Variants in PRDM2 observed in about 807,000 individuals in gnomAD.
PRDM2 encodes PR domain zinc finger protein 2.
A neutral mutation model predicts 130.0 loss-of-function variants in PRDM2; 30 were observed. The ratio of observed to expected loss-of-function variants is 0.23; its 90% confidence interval spans 0.17 to 0.31. The LOEUF (loss-of-function observed/expected upper bound fraction) is 0.31, where lower values mean the gene tolerates loss of function less well. PRDM2 is among the 10% of genes least tolerant of loss of function. The pLI is 1.00. For synonymous variants in PRDM2, 871 were observed against 782.4 expected (o/e 1.11, Z -1.89); for missense variants, 2,011 against 2,108.4 (o/e 0.95, Z 0.90).
chr1:13,708,124 C>G (rs997956051), intron 1 of PRDM2, among the ~76,000 whole-genome samples: 1 of 151,890 alleles, frequency 6.6e-6, no homozygotes, highest in Non-Finnish European at 1.5e-5. Flanking sequence ...TACTTCTGAG[C>G]TGGCACATTA....
chr1:13,712,710 A>C (rs1463656718), intron 1 of PRDM2, among the ~76,000 whole-genome samples: 1 of 152,220 alleles, frequency 6.6e-6, no homozygotes, highest in Non-Finnish European at 1.5e-5. Flanking sequence ...GCAGTGAGCC[A>C]AGATCACACC....
intron 8 of PRDM2, among the ~76,000 whole-genome samples, chr1:13,802,126 C>T (rs1240919248): frequency 3.3e-5 from 5 of 152,220 alleles, no homozygotes; most frequent in South Asian, 2.1e-4. Context: ...TATTCAACCC[C>T]GGACCCTGGG....
chr1:13,714,786 A>G (rs1472872960), intron 1 of PRDM2, among the ~76,000 whole-genome samples: 2 of 152,262 alleles, frequency 1.3e-5, no homozygotes, highest in Admixed American at 1.3e-4. Context: ...GGAAATGTTT[A>G]GAACCTTACA....
chr1:13,794,803 G>C (rs547372284), intron 8 of PRDM2, among the ~76,000 whole-genome samples: 1 of 152,344 alleles, frequency 6.6e-6, no homozygotes, highest in East Asian at 1.9e-4. Flanking sequence ...TCATGACAGC[G>C]TGAGTTGTAG....
chr1:13,810,886 CAG>C (rs1381681831), intron 8 of PRDM2, among the ~76,000 whole-genome samples: 3 of 152,026 alleles, frequency 2.0e-5, no homozygotes, highest in Non-Finnish European at 2.9e-5. Flanking sequence ...GAGCTTCTGT[CAG>C]AGTTTACAGA....
chr1:13,745,430 T>G (rs1025438866), intron 5 of PRDM2, among the ~76,000 whole-genome samples: 15 of 151,574 alleles, frequency 9.9e-5, no homozygotes, highest in African/African-American at 3.6e-4. Flanking sequence ...TAATGGTTTT[T>G]TTTTTTTTTT....
Position 13,749,474 on chromosome 1 carries a change from C to T in PRDM2, c.498C>T (p.Pro166=), listed in dbSNP as rs536087579. The change falls in exon 6 of 10, where the codon CCC becomes CCT. Residue 166 remains proline, a synonymous_variant. Coordinates refer to ENST00000311066, the MANE Select transcript of PRDM2 (RefSeq NM_001393986.1). ...GCGCCCGGAGCAAGCGGAGCTCCCC[C>T]AAGAGCCGGAAAGGTAGGAGCCCCC... ...RASARSKRSS[P]KSRKGKKKSQ... 151 of 1,475,206 alleles carry T rather than the reference C, an allele frequency of 1.0e-4. No homozygotes were observed. The highest frequency in any genetic ancestry group is 1.3e-4 in the Non-Finnish European group (144 of 1,098,138). 91.4% of individuals were successfully genotyped at this position (1,475,206 alleles called of 1,614,324 possible).
chr1:13,724,740 A>G (rs1355649377), intron 2 of PRDM2, among the ~76,000 whole-genome samples: 2 of 152,142 alleles, frequency 1.3e-5, no homozygotes, highest in African/African-American at 4.8e-5. Context: ...TGATCCACCC[A>G]TCTCAACCTC....
chr1:13,752,446 G>C (rs925184919), intron 6 of PRDM2, among the ~76,000 whole-genome samples: 1 of 152,226 alleles, frequency 6.6e-6, no homozygotes, highest in African/African-American at 2.4e-5. Flanking sequence ...AGGGTTTTTA[G>C]TGTCAGGTGT....
chr1:13,769,468 T>A (rs1419940407), intron 6 of PRDM2, among the ~76,000 whole-genome samples: 2 of 152,190 alleles, frequency 1.3e-5, no homozygotes, highest in Non-Finnish European at 2.9e-5. Context: ...TGCCATAGGC[T>A]AATTACTTCC....
intron 2 of PRDM2, among the ~76,000 whole-genome samples, chr1:13,727,575 C>T (rs543608459): frequency 2.6e-5 from 4 of 152,132 alleles, no homozygotes; most frequent in South Asian, 4.1e-4. Flanking sequence ...TTTTTTCATT[C>T]GCCACTGATC....
At chr1:13,818,121 C>T (rs1338490066) in intron 9 of PRDM2, among the ~76,000 whole-genome samples, 1 of 152,212 alleles carries the variant, frequency 6.6e-6, no homozygotes, top group Non-Finnish European at 1.5e-5. Context: ...GGCACAGGCC[C>T]ATCCTGGTGG....
chr1:13,778,948 A>G lies in PRDM2; in HGVS notation c.1153A>G (p.Thr385Ala). 6.2e-7 allele frequency: 1 copy of G among 1,614,192 alleles called. No homozygotes were observed. Among genetic ancestry groups the G allele is most frequent in the South Asian group, 1.1e-5 (1 of 91,080 alleles). ...LERHMHIHIS[T>A]VNHAFKCKYC... ...GCGTCACATGCATATCCATATATCC[A>G]CCGTCAATCATGCTTTCAAATGCAA... is the stretch of plus-strand genomic sequence containing the variant. The change falls in exon 8 of 10, where the codon ACC becomes GCC. Residue 385 changes from threonine (T) to alanine (A), a missense_variant. Coordinates refer to ENST00000311066, the MANE Select transcript of PRDM2 (RefSeq NM_001393986.1).
intron 8 of PRDM2, among the ~76,000 whole-genome samples, chr1:13,813,318 C>T (rs1645203796): frequency 6.6e-6 from 1 of 152,244 alleles, no homozygotes; most frequent in African/African-American, 2.4e-5. Context: ...CACCCAATTC[C>T]GGAGCCTTGG....
At chr1:13,773,378 G>T in intron 7 of PRDM2, 190 bp downstream of exon 7, 1 of 386,406 alleles carries the variant, frequency 2.6e-6, no homozygotes, top group Non-Finnish European at 4.7e-6. Context: ...AAACAATTGT[G>T]AAAGACTTTT....
chr1:13,795,646 T>C (rs1216536889), intron 8 of PRDM2, among the ~76,000 whole-genome samples: 1 of 152,230 alleles, frequency 6.6e-6, no homozygotes, highest in Non-Finnish European at 1.5e-5. Flanking sequence ...AATGGATGTC[T>C]TTGTTCTTCC....
At chr1:13,769,578 G>C (rs184873262) in intron 6 of PRDM2, among the ~76,000 whole-genome samples, 6 of 152,168 alleles carry the variant, frequency 3.9e-5, no homozygotes, top group Non-Finnish European at 5.9e-5. Flanking sequence ...ACGATGAGAC[G>C]TAACTTAACT....
intron 6 of PRDM2, among the ~76,000 whole-genome samples, chr1:13,760,279 A>G (rs1644064534): frequency 6.6e-6 from 1 of 152,174 alleles, no homozygotes; most frequent in Admixed American, 6.5e-5. Context: ...CTTTGTTTTC[A>G]TAGCAAATGA....
intron 2 of PRDM2, among the ~76,000 whole-genome samples, chr1:13,729,622 A>T (rs1446593544): frequency 6.6e-6 from 1 of 152,214 alleles, no homozygotes; most frequent in Non-Finnish European, 1.5e-5. Context: ...ATTTATTCAC[A>T]CTTTAGCTAA....
Sources: allele counts gnomAD v4.1 joint callset (sites outside exome capture counted in the v4.1 genomes callset), GRCh38; gene constraint gnomAD v4.1.1; transcripts MANE v1.5; gene names NCBI Gene and HGNC (gene_info 2026-07-23, HGNC 2026-07-21).